ZFC3H1: variants seen among roughly 807,000 people sequenced by gnomAD.
ZFC3H1 encodes zinc finger C3H1-type containing.
In ZFC3H1, 71 loss-of-function variants were observed where a neutral mutation model predicts 243.7. The ratio of observed to expected loss-of-function variants is 0.29; its 90% CI spans 0.24 to 0.36. ZFC3H1 has a LOEUF of 0.36. ZFC3H1 is among the 10% of genes least tolerant of loss of function. ZFC3H1 has a pLI of 1.00. For synonymous variants in ZFC3H1, 838 were observed against 813.0 expected, an observed-to-expected ratio of 1.03 and a Z score of -0.52; for missense variants, 1,966 against 2,317.1, an observed-to-expected ratio of 0.85 and a Z score of 3.11.
chr12:71,628,596 C>G (rs1880231276), intron 20 of ZFC3H1, among the ~76,000 whole-genome samples: 2 of 152,196 alleles, frequency 1.3e-5, no homozygotes, highest in Admixed American at 1.3e-4. Flanking sequence ...AGGACACAGG[C>G]TAGGCAGTGG....
In ZFC3H1 at chr12:71,632,205, G is replaced by A; in HGVS notation, c.3127C>T (p.Arg1043Ter). ...TTGGATTCTAAAAAAGATCTTCTTC[G>A]CTCTCTGCTTGAACCAGACAAAATT... ...DEILSGSSRERRRSFLESNYF... is the reference protein window; with the variant it reads ...DEILSGSSRE The change falls in exon 15 of 35, where the codon CGA (arginine) becomes TGA (stop). Residue 1043 changes from arginine to a stop codon, truncating the protein, a stop_gained. Transcript: ENST00000378743. LOFTEE classifies it high-confidence loss of function. 1 of 1,608,332 alleles carries A rather than the reference G, an allele frequency of 6.2e-7. No individual in the cohort carries two copies. Among genetic ancestry groups the A allele is most frequent in the Non-Finnish European group, 8.5e-7 (1 of 1,178,160 alleles).
At position 71,638,617 on chromosome 12, in the gene ZFC3H1, A is replaced by G. The variant is rs1052088966; in HGVS notation, c.1628-102T>C. 3 of 942,530 alleles carry G rather than the reference A, an allele frequency of 3.2e-6. No homozygotes were observed. In the Admixed American group the frequency reaches 9.5e-5, roughly 30 times the overall value. The allele number at this position is 942,530 out of a possible 1,614,324, so 58.4% of individuals were successfully genotyped here. ...GAAGAAATACATCTAGGTGGAGTGC[A>G]AATTAGATTTTATCAACCTCTGATA... On this transcript the variant is annotated intron_variant, in intron 6 of 34. Transcript: ENST00000378743.
chr12:71,646,432 CTAATCACTTT>C (rs1880731885), intron 3 of ZFC3H1, among the ~76,000 whole-genome samples: 1 of 152,184 alleles, frequency 6.6e-6, no homozygotes, highest in South Asian at 2.1e-4. Context: ...CTAAGCCACA[CTAATCACTTT>C]TCAAGTTCTT....
At chr12:71,656,754 T>C (rs1029765182) in intron 2 of ZFC3H1, 131 bp downstream of exon 2, 5 of 910,738 alleles carry the variant, frequency 5.5e-6, no homozygotes, top group African/African-American at 1.7e-5. Flanking sequence ...ATGATATGAA[T>C]GTCTACATAG....
chr12:71,619,242 A>G, intron 27 of ZFC3H1, 73 bp downstream of exon 27: 1 of 1,393,182 alleles, frequency 7.2e-7, no homozygotes, highest in Non-Finnish European at 9.8e-7. Context: ...ATCATATAAG[A>G]AAAAAACTGT....
chr12:71,643,894 G>C (rs550128746), intron 5 of ZFC3H1, among the ~76,000 whole-genome samples: 1 of 152,186 alleles, frequency 6.6e-6, no homozygotes, highest in Non-Finnish European at 1.5e-5. Context: ...CCTAAAAGCA[G>C]TCTCTGCTAA....
intron 2 of ZFC3H1, chr12:71,656,483 T>G (rs985324375): frequency 1.6e-6 from 1 of 639,156 alleles, no homozygotes; most frequent in Admixed American, 3.0e-5. Flanking sequence ...AAACAGATTT[T>G]GTAAACTTCA....
At chr12:71,628,401 T>C (rs1319889584) in intron 20 of ZFC3H1, among the ~76,000 whole-genome samples, 1 of 152,220 alleles carries the variant, frequency 6.6e-6, no homozygotes, top group Non-Finnish European at 1.5e-5. Flanking sequence ...CTTGGATACT[T>C]GCTAATTCAC....
chr12:71,638,294 G>T, intron 7 of ZFC3H1, 124 bp downstream of exon 7: 2 of 889,506 alleles, frequency 2.2e-6, no homozygotes, highest in Non-Finnish European at 3.4e-6. Flanking sequence ...GTATTTCATT[G>T]CTATTAATTC....
chr12:71,635,042 T>C (rs960899733), intron 10 of ZFC3H1, among the ~76,000 whole-genome samples: 8 of 152,140 alleles, frequency 5.3e-5, no homozygotes, highest in African/African-American at 1.2e-4. Context: ...CTGAAAATCA[T>C]TGAATTAAAT....
chr12:71,658,574 C>A, intron 1 of ZFC3H1, among the ~76,000 whole-genome samples: 1 of 151,964 alleles, frequency 6.6e-6, no homozygotes, highest in African/African-American at 2.4e-5. Context: ...CAGGTGTGAG[C>A]CACTGCACCC....
Position 71,647,822 on chromosome 12 carries a change from T to C in ZFC3H1, c.1016-9A>G. 8.9e-7 allele frequency: 1 copy of C among 1,121,268 alleles called. No homozygotes were observed. The highest frequency in any genetic ancestry group is 1.3e-6 in the Non-Finnish European group (1 of 778,692). The allele number at this position is 1,121,268 out of a possible 1,614,324, so 69.5% of individuals were successfully genotyped here. A position where few individuals can be genotyped will look rare whatever the true frequency, so the allele number is the denominator to read the frequency against. On this transcript the variant is annotated splice_polypyrimidine_tract_variant and intron_variant, in intron 2 of 34. Coordinates refer to ENST00000378743, the MANE Select transcript of ZFC3H1 (RefSeq NM_144982.5). ...TTCTTTATCTTGTAATCCTTTAAAA[T>C]AAAATAATATCTTTTGAATAATCCA...
chr12:71,629,909 G>T, intron 18 of ZFC3H1, among the ~76,000 whole-genome samples, 199 bp from the exon 19 acceptor site: 2 of 147,790 alleles, frequency 1.4e-5, no homozygotes, highest in South Asian at 2.1e-4. Flanking sequence ...TACCCCATTT[G>T]GGATTAAAAA....
intron 27 of ZFC3H1, among the ~76,000 whole-genome samples, chr12:71,618,921 A>G (rs1415317723): frequency 6.6e-6 from 1 of 152,184 alleles, no homozygotes; most frequent in African/African-American, 2.4e-5. Flanking sequence ...AAAAAAAGAA[A>G]AAGGCGTATT....
chr12:71,648,572 T>C (rs1022211269), intron 2 of ZFC3H1, among the ~76,000 whole-genome samples: 4 of 152,212 alleles, frequency 2.6e-5, no homozygotes, highest in Non-Finnish European at 5.9e-5. Context: ...ATTTTAAGTC[T>C]GGTGTTTTTA....
At chr12:71,635,665 C>T in intron 9 of ZFC3H1, 85 bp from the exon 10 acceptor site, 1 of 1,374,060 alleles carries the variant, frequency 7.3e-7, no homozygotes, top group Non-Finnish European at 9.6e-7. Flanking sequence ...AAATAATGGG[C>T]TCCAAGTAGA....
intron 19 of ZFC3H1, 55 bp downstream of exon 19, chr12:71,629,553 CA>C (rs1363646450): frequency 2.4e-6 from 1 of 419,686 alleles, no homozygotes; most frequent in African/African-American, 2.6e-5. Context: ...GAAAGAGATA[CA>C]GTACACACAC....
intron 3 of ZFC3H1, among the ~76,000 whole-genome samples, chr12:71,645,491 T>C (rs1397027334): frequency 6.6e-6 from 1 of 152,226 alleles, no homozygotes; most frequent in Non-Finnish European, 1.5e-5. Context: ...CCTGATCATG[T>C]GATTTGCTGG....
chr12:71,647,320 A>G (rs1026778519), intron 3 of ZFC3H1, among the ~76,000 whole-genome samples: 4 of 152,188 alleles, frequency 2.6e-5, no homozygotes, highest in Admixed American at 6.6e-5. Context: ...AGTTTGTAGA[A>G]AAGAATATAG....
Sources: gnomAD v4.1 joint callset for allele counts (sites outside exome capture counted in the v4.1 genomes callset) on GRCh38, gnomAD v4.1.1 for gene constraint, MANE v1.5 for transcripts, NCBI Gene and HGNC (gene_info 2026-07-23, HGNC 2026-07-21) for gene names.